The following CD59 variants were observed in gnomAD, a reference collection of about 807,000 sequenced individuals.
CD59 encodes the protein CD59 molecule (CD59 blood group), also known as CD59 glycoprotein.
A neutral mutation model predicts 7.0 loss-of-function variants in CD59; 3 were observed. The observed-to-expected ratio is 0.43, with a 90% CI of 0.19 to 1.10. The LOEUF is 1.10. Among genes scored for constraint, CD59 ranks in the 50% least tolerant of loss-of-function variants. The probability of loss-of-function intolerance (pLI) is 0.29; values close to 1 mark genes in which losing one functional copy is unlikely to be tolerated. For synonymous variants in CD59, 60 were observed against 62.0 expected (o/e 0.97, Z 0.15); for missense variants, 143 against 151.0 (o/e 0.95, Z 0.28).
chr11:33,710,964 C>T (rs1252258826), intron 3 of CD59, among the ~76,000 whole-genome samples: 1 of 146,234 alleles, frequency 6.8e-6, no homozygotes, highest in Non-Finnish European at 1.5e-5. Context: ...GAATTCCTTA[C>T]AATGCAAGTT....
chr11:33,715,590 A>C (rs1181140176), intron 3 of CD59, among the ~76,000 whole-genome samples: 1 of 152,008 alleles, frequency 6.6e-6, no homozygotes, highest in African/African-American at 2.4e-5. Flanking sequence ...ACAGAGCAAG[A>C]CCTTGTCTCA....
chr11:33,718,401 T>A (rs1469662557), intron 2 of CD59: 1 of 152,174 alleles, frequency 6.6e-6, no homozygotes, highest in Admixed American at 6.6e-5. Flanking sequence ...GAGAATCGCT[T>A]GAACCCAGGA....
At chr11:33,734,618 G>A (rs952365021) in intron 1 of CD59, among the ~76,000 whole-genome samples, 2 of 152,178 alleles carry the variant, frequency 1.3e-5, no homozygotes, top group African/African-American at 4.8e-5. Flanking sequence ...CCTGCAGTTT[G>A]TTCCGGAATG....
intron 3 of CD59, chr11:33,711,642 AT>A (rs1366917621): frequency 4.1e-6 from 2 of 489,056 alleles, no homozygotes; most frequent in Non-Finnish European, 7.2e-6. Context: ...GTACTGCTGC[AT>A]TCCAGCCTAG....
intron 1 of CD59, chr11:33,733,346 G>A (rs1854472367): frequency 6.6e-6 from 1 of 152,264 alleles, no homozygotes; most frequent in Non-Finnish European, 1.5e-5. Flanking sequence ...GCCGAGTGTG[G>A]TGGCTCATGC....
At position 33,708,511 on chromosome 11, in the gene CD59, C is replaced by T. The variant is rs2133517575; in HGVS notation, c.*1615G>A. 8.5e-6 allele frequency: 1 copy of T among 117,400 alleles called. No homozygotes were observed. Among genetic ancestry groups the T allele is most frequent in the East Asian group, 2.9e-4 (1 of 3,446 alleles). The allele number at this position is 117,400 out of a possible 1,614,324, so 7.3% of individuals were successfully genotyped here. A position where few individuals can be genotyped will look rare whatever the true frequency, so the allele number is the denominator to read the frequency against. On this transcript the variant is annotated 3_prime_UTR_variant, in exon 4 of 4. Transcript: ENST00000642928. ...AAATTCATTTTCTGCTTAAATTCAT[C>T]AAAATTGTTTCTCATTCCTTAGAAC...
intron 1 of CD59, among the ~76,000 whole-genome samples, chr11:33,728,177 T>G (rs1327994789): frequency 7.9e-5 from 12 of 151,990 alleles, no homozygotes; most frequent in African/African-American, 2.9e-4. Context: ...CTACTTTAAA[T>G]TTCATATGGA....
intron 1 of CD59, among the ~76,000 whole-genome samples, chr11:33,732,171 G>A (rs11032358): frequency 2.0e-5 from 3 of 149,482 alleles, no homozygotes; most frequent in African/African-American, 7.6e-5. Context: ...AAATTACCCA[G>A]TCTTCGGTAT....
At chr11:33,732,071 C>T (rs906165539) in intron 1 of CD59, among the ~76,000 whole-genome samples, 1 of 152,164 alleles carries the variant, frequency 6.6e-6, no homozygotes, top group African/African-American at 2.4e-5. Flanking sequence ...TGTCTGCTGC[C>T]AGTAAGACGT....
chr11:33,715,935 C>T (rs1370997198), intron 3 of CD59, among the ~76,000 whole-genome samples: 1 of 152,208 alleles, frequency 6.6e-6, no homozygotes, highest in African/African-American at 2.4e-5. Flanking sequence ...CTTATCGTCT[C>T]ATTTGGAAAC....
At chr11:33,736,433 C>T (rs957195488), upstream of CD59, 5 of 152,682 alleles carry the variant, frequency 3.3e-5, no homozygotes, top group Non-Finnish European at 7.3e-5. This position sits in a 1 kb window ranked among gnomAD's most constrained non-coding sequence, Gnocchi z 4.4. Context: ...TGCGCTCAGC[C>T]CCCGCATTCT....
rs184127621 is a variant in CD59, at chr11:33,705,222, G to A, written c.*4904C>T. 5 of 152,188 alleles carry A rather than the reference G, an allele frequency of 3.3e-5. No homozygotes were observed. The highest frequency in any genetic ancestry group is 2.1e-4 in the South Asian group (1 of 4,830). The allele number at this position is 152,188 out of a possible 1,614,324, so 9.4% of individuals were successfully genotyped here. The stretch of plus-strand genomic sequence containing the variant: ...ACCACTTACTGTTGTGCGTTCTCAT[G>A]TTATCCTGACAGTAACACTTATAGG... On this transcript the variant is annotated 3_prime_UTR_variant, in exon 4 of 4. Coordinates refer to ENST00000642928, the MANE Select transcript of CD59 (RefSeq NM_000611.6).
intron 3 of CD59, among the ~76,000 whole-genome samples, chr11:33,716,554 A>C (rs1853800522): frequency 6.6e-6 from 1 of 152,186 alleles, no homozygotes; most frequent in Non-Finnish European, 1.5e-5. Context: ...GCACACATCG[A>C]TTCTATCCAG....
intron 1 of CD59, among the ~76,000 whole-genome samples, chr11:33,727,640 C>G (rs1194696416): frequency 6.6e-6 from 1 of 152,206 alleles, no homozygotes; most frequent in African/African-American, 2.4e-5. Flanking sequence ...TCTCACCATT[C>G]CTATTCAACA....
Position 33,722,262 on chromosome 11 carries a change from G to A in CD59, c.67+117C>T, listed in dbSNP as rs1564975413. 3 of 779,686 alleles carry A rather than the reference G, an allele frequency of 3.8e-6. No homozygotes were observed. In the African/African-American group the frequency reaches 5.1e-5, roughly 13 times the overall value. 48.3% of individuals were successfully genotyped at this position (779,686 alleles called of 1,614,324 possible). On this transcript the variant is annotated intron_variant, in intron 2 of 3. Transcript: ENST00000642928. ...ATACAACCCCAGACCTGTAACACTG[G>A]AAGGCAAAAGAACCAAAGCCAGGCC... is the stretch of plus-strand genomic sequence containing the variant.
At chr11:33,731,264 T>C (rs1296522876) in intron 1 of CD59, among the ~76,000 whole-genome samples, 2 of 151,604 alleles carry the variant, frequency 1.3e-5, no homozygotes, top group African/African-American at 4.8e-5. Context: ...ATTACATATA[T>C]ACGTAAAAAC....
intron 1 of CD59, among the ~76,000 whole-genome samples, chr11:33,723,475 TC>T (rs1263072155): frequency 1.3e-5 from 2 of 152,176 alleles, no homozygotes; most frequent in African/African-American, 4.8e-5. Context: ...AAGGGCAGGG[TC>T]TGACATTGTC....
intron 2 of CD59, chr11:33,719,672 T>A (rs1425435323): frequency 1.3e-5 from 2 of 152,256 alleles, no homozygotes; most frequent in African/African-American, 4.8e-5. Flanking sequence ...CCCCAACTTT[T>A]TTGCAGATGA....
intron 1 of CD59, among the ~76,000 whole-genome samples, chr11:33,724,296 T>C (rs549404135): frequency 6.6e-6 from 1 of 152,204 alleles, no homozygotes; most frequent in South Asian, 2.1e-4. Context: ...ACAGGGCCCC[T>C]GATGGGGAGC....
Sources: gnomAD v4.1 joint callset for allele counts (sites outside exome capture counted in the v4.1 genomes callset) on GRCh38, gnomAD v4.1.1 for gene constraint, Gnocchi (gnomAD v3.1) non-coding constraint, MANE v1.5 for transcripts, NCBI Gene and HGNC (gene_info 2026-07-23, HGNC 2026-07-21) for gene names.